Variants in CACNA2D3 observed in about 807,000 individuals in gnomAD.
CACNA2D3 encodes voltage-dependent calcium channel subunit alpha-2/delta-3.
CACNA2D3 carries 60 observed loss-of-function variants against 160.6 expected under a neutral mutation model. That is an observed-to-expected ratio of 0.37 (90% CI 0.30 to 0.46). The LOEUF is 0.46. CACNA2D3 is among the 20% of genes least tolerant of loss of function. CACNA2D3 has a pLI of 1.00. For synonymous variants in CACNA2D3, 558 were observed against 492.9 expected, an observed-to-expected ratio of 1.13 and a Z score of -1.75; for missense variants, 1,205 against 1,365.0, an observed-to-expected ratio of 0.88 and a Z score of 1.85.
intron 5 of CACNA2D3, among the ~76,000 whole-genome samples, chr3:54,517,152 A>AT (rs1443280865): frequency 6.6e-6 from 1 of 152,144 alleles, no homozygotes; most frequent in Non-Finnish European, 1.5e-5. Context: ...AAGGTTAGTT[A>AT]TTTCTTCAAG....
intron 8 of CACNA2D3, among the ~76,000 whole-genome samples, chr3:54,576,557 G>A (rs1364904682): frequency 1.3e-5 from 2 of 152,230 alleles, no homozygotes; most frequent in Non-Finnish European, 2.9e-5. Context: ...ATATGATGAT[G>A]TGTCCCTTGC....
chr3:55,009,726 A>G (rs933450768), intron 34 of CACNA2D3, among the ~76,000 whole-genome samples: 1 of 152,224 alleles, frequency 6.6e-6, no homozygotes, highest in Non-Finnish European at 1.5e-5. Context: ...TTCTTCAGAA[A>G]GCTCATGGGC....
intron 2 of CACNA2D3, among the ~76,000 whole-genome samples, chr3:54,169,445 A>G (rs1467105267): frequency 6.6e-6 from 1 of 152,188 alleles, no homozygotes; most frequent in African/African-American, 2.4e-5. Context: ...TCAGTGGACC[A>G]TGGCCTCTCA....
chr3:54,218,670 ATTAT>A (rs1385177660), intron 2 of CACNA2D3, among the ~76,000 whole-genome samples: 1 of 152,232 alleles, frequency 6.6e-6, no homozygotes, highest in Non-Finnish European at 1.5e-5. Flanking sequence ...ACATGAATTT[ATTAT>A]TTAGTAGTTC....
intron 11 of CACNA2D3, among the ~76,000 whole-genome samples, chr3:54,710,282 G>A (rs1232546912): frequency 4.6e-5 from 7 of 152,286 alleles, no homozygotes; most frequent in African/African-American, 1.4e-4. Flanking sequence ...TTGTATTAAC[G>A]AGGCTAGGCT....
At chr3:54,836,221 TTTTTC>T (rs1178816617) in intron 14 of CACNA2D3, among the ~76,000 whole-genome samples, 3 of 100,972 alleles carry the variant, frequency 3.0e-5, no homozygotes, top group South Asian at 6.6e-4. Context: ...ATTCTTTTTT[TTTTTC>T]TTTTTTTTTT....
At chr3:54,522,140 A>C (rs1701655590) in intron 5 of CACNA2D3, among the ~76,000 whole-genome samples, 2 of 152,118 alleles carry the variant, frequency 1.3e-5, no homozygotes, top group South Asian at 4.1e-4. Context: ...GAGTTTTGCC[A>C]TTTTAACAAT....
chr3:54,670,787 G>A (rs976062571), intron 11 of CACNA2D3, among the ~76,000 whole-genome samples: 6 of 152,288 alleles, frequency 3.9e-5, no homozygotes. Flanking sequence ...TCAGCCTGGG[G>A]TGTGGACCTG....
intron 2 of CACNA2D3, among the ~76,000 whole-genome samples, chr3:54,215,929 G>A (rs530056116): frequency 1.3e-5 from 2 of 151,102 alleles, no homozygotes; most frequent in South Asian, 4.2e-4. Context: ...CTTATGGAAC[G>A]ATCGTGATTG....
At chr3:54,677,861 A>C (rs967123279) in intron 11 of CACNA2D3, among the ~76,000 whole-genome samples, 1 of 152,114 alleles carries the variant, frequency 6.6e-6, no homozygotes, top group Non-Finnish European at 1.5e-5. Context: ...TTAAAAATAG[A>C]TACTCATCAG....
At chr3:54,421,719 G>A (rs1699839118) in intron 4 of CACNA2D3, among the ~76,000 whole-genome samples, 1 of 152,188 alleles carries the variant, frequency 6.6e-6, no homozygotes, top group Non-Finnish European at 1.5e-5. Context: ...AGGGCATGTT[G>A]ACGATAAGAA....
chr3:54,589,085 T>G (rs920474713), intron 9 of CACNA2D3, among the ~76,000 whole-genome samples: 3 of 151,962 alleles, frequency 2.0e-5, no homozygotes, highest in Non-Finnish European at 4.4e-5. Context: ...TAAAGAAGAA[T>G]GAAGTAGAAG....
intron 13 of CACNA2D3, among the ~76,000 whole-genome samples, chr3:54,806,662 C>A (rs552825104): frequency 2.4e-4 from 37 of 152,300 alleles, no homozygotes; most frequent in African/African-American, 8.2e-4. Flanking sequence ...CCATCCCCAT[C>A]AAGCTACCAA....
At chr3:54,757,881 A>G (rs1702002314) in intron 12 of CACNA2D3, among the ~76,000 whole-genome samples, 1 of 152,218 alleles carries the variant, frequency 6.6e-6, no homozygotes, top group Non-Finnish European at 1.5e-5. Flanking sequence ...AGGTGATCCA[A>G]AGCCCCAGCC....
intron 4 of CACNA2D3, among the ~76,000 whole-genome samples, chr3:54,477,323 G>A (rs533816186): frequency 5.3e-5 from 8 of 151,992 alleles, no homozygotes; most frequent in African/African-American, 1.9e-4. Context: ...AACTTAGTAA[G>A]TCGCCAAGCA....
intron 11 of CACNA2D3, among the ~76,000 whole-genome samples, chr3:54,748,467 T>C (rs1020956963): frequency 2.0e-5 from 3 of 152,144 alleles, no homozygotes; most frequent in African/African-American, 7.2e-5. Flanking sequence ...ACTTTCAAAG[T>C]CTACATCTTA....
chr3:54,853,554 C>T (rs1421906271), intron 17 of CACNA2D3, among the ~76,000 whole-genome samples: 1 of 152,146 alleles, frequency 6.6e-6, no homozygotes, highest in Non-Finnish European at 1.5e-5. Flanking sequence ...ATCAGATGTC[C>T]TTAAGTCCAG....
intron 9 of CACNA2D3, among the ~76,000 whole-genome samples, chr3:54,599,019 T>C (rs1291225049): frequency 2.0e-5 from 3 of 152,152 alleles, no homozygotes; most frequent in Non-Finnish European, 2.9e-5. Flanking sequence ...TAGGAAGATA[T>C]GAAAGAAAAT....
At chr3:54,831,527 C>A (rs2106746424) in intron 14 of CACNA2D3, among the ~76,000 whole-genome samples, 1 of 152,378 alleles carries the variant, frequency 6.6e-6, no homozygotes, top group East Asian at 1.9e-4. Flanking sequence ...ACTGGGGAAG[C>A]AGCCAAACTT....
Sources: allele counts gnomAD v4.1 joint callset (sites outside exome capture counted in the v4.1 genomes callset), GRCh38; gene constraint gnomAD v4.1.1; transcripts MANE v1.5; gene names NCBI Gene and HGNC (gene_info 2026-07-23, HGNC 2026-07-21).